The following SLC26A9 variants were observed in gnomAD, a reference collection of about 807,000 sequenced individuals.
SLC26A9 encodes the protein anion transporter/exchanger protein 9.
A neutral mutation model predicts 87.1 loss-of-function variants in SLC26A9; 46 were observed. The observed-to-expected ratio is 0.53, with a 90% CI of 0.42 to 0.67. SLC26A9 has a LOEUF of 0.67. Ranked by LOEUF, SLC26A9 falls within the 30% of genes least tolerant of loss-of-function variation. The probability of loss-of-function intolerance (pLI) is 0.00; values close to 1 mark genes in which losing one functional copy is unlikely to be tolerated. For missense variants in SLC26A9, 927 were observed against 1,018.3 expected, an observed-to-expected ratio of 0.91 and a Z score of 1.22; for synonymous variants, 437 against 409.1, an observed-to-expected ratio of 1.07 and a Z score of -0.82.
chr1:205,920,342 T>G (rs2102574441), intron 17 of SLC26A9, 112 bp from the exon 18 acceptor site: 1 of 1,280,078 alleles, frequency 7.8e-7, no homozygotes, highest in Non-Finnish European at 1.1e-6. Flanking sequence ...TAAGCAACCC[T>G]GAGAGCCCAG....
chr1:205,913,452 G>A lies in SLC26A9; in HGVS notation c.*1905C>T, dbSNP rs986457999. ...CTCCTTCAGTTCTGAGGCTGGTCTG[G>A]GGGTTAATGATTACTTGGGGGTTAA... On this transcript the variant is annotated 3_prime_UTR_variant, in exon 21 of 21. Transcript: ENST00000367135. 5.2e-5 allele frequency: 8 copies of A among 152,634 alleles called. No individual in the cohort carries two copies. Among genetic ancestry groups the A allele is most frequent in the Non-Finnish European group, 1.0e-4 (7 of 68,082 alleles). The allele number at this position is 152,634 out of a possible 1,614,324, so 9.5% of individuals were successfully genotyped here.
At chr1:205,915,539 TGTGTGTGTGCGAGA>T (rs1010743194) in intron 20 of SLC26A9, 135 bp from the exon 21 acceptor site, 1 of 1,200,058 alleles carries the variant, frequency 8.3e-7, no homozygotes, top group Non-Finnish European at 1.2e-6. Context: ...TGTGTGTGTG[TGTGTGTGTGCGAGA>T]GTGTGTGTGA....
intron 1 of SLC26A9, among the ~76,000 whole-genome samples, chr1:205,942,739 C>T (rs983814375): frequency 6.6e-6 from 1 of 152,174 alleles, no homozygotes; most frequent in Non-Finnish European, 1.5e-5. Context: ...CTACCGCCCA[C>T]CCGCCTGCCT....
At chr1:205,920,134 C>A (rs750765811) in intron 18 of SLC26A9, 42 bp downstream of exon 18, 2 of 1,612,126 alleles carry the variant, frequency 1.2e-6, no homozygotes, top group South Asian at 2.2e-5. Context: ...ACCCCACACT[C>A]CTTGCCAGTC....
At chr1:205,936,440 C>G (rs1376405899) in intron 1 of SLC26A9, among the ~76,000 whole-genome samples, 1 of 152,144 alleles carries the variant, frequency 6.6e-6, no homozygotes, top group African/African-American at 2.4e-5. Context: ...CCTGCCGGCT[C>G]TCTCTCCCAC....
rs185508843 is a variant in SLC26A9, at chr1:205,922,075, G to A, written c.1774-228C>T. On this transcript the variant is annotated intron_variant, in intron 16 of 20. Transcript: ENST00000367135. ...AACCCAGACAAAGTCAGAGGACCCA[G>A]CCAAGAGAGGCACTGAAGCCTCAAG... 3.0e-4 allele frequency among the ~76,000 whole-genome samples: 45 copies of A among 152,356 alleles called. 2 individuals are homozygous for A. The South Asian group carries it at 6.0e-3, about 20-fold the overall frequency.
At chr1:205,922,020 T>C (rs1248165927) in intron 16 of SLC26A9, among the ~76,000 whole-genome samples, 173 bp from the exon 17 acceptor site, 1 of 152,114 alleles carries the variant, frequency 6.6e-6, no homozygotes, top group African/African-American at 2.4e-5. Flanking sequence ...AGCCCTTTCT[T>C]AGGCAGGGCC....
chr1:205,935,519 TG>T, intron 2 of SLC26A9, 176 bp downstream of exon 2: 1 of 948,576 alleles, frequency 1.1e-6, no homozygotes, highest in Admixed American at 2.8e-5. Context: ...CCATCCTCCC[TG>T]GGGGTCTCAG....
intron 2 of SLC26A9, among the ~76,000 whole-genome samples, chr1:205,934,557 C>G (rs1253327025): frequency 1.3e-5 from 2 of 152,216 alleles, no homozygotes; most frequent in African/African-American, 4.8e-5. Flanking sequence ...GATTAGCTTT[C>G]TAGACATTCA....
In SLC26A9 at chr1:205,915,129, C is replaced by T; in HGVS notation, c.*228G>A. 1 of 1,613,614 alleles carries T rather than the reference C, an allele frequency of 6.2e-7. No individual in the cohort carries two copies. Among genetic ancestry groups the T allele is most frequent in the Non-Finnish European group, 8.5e-7 (1 of 1,179,702 alleles). ...GGGCCTGACGGGTGAAGAGTGGGCTCACCAGACTCTCACTCCTGTAAGGGT... is the reference window on the plus strand; with the variant it reads ...GGGCCTGACGGGTGAAGAGTGGGCTTACCAGACTCTCACTCCTGTAAGGGT... On this transcript the variant is annotated 3_prime_UTR_variant, in exon 21 of 21. Coordinates refer to ENST00000367135, the MANE Select transcript of SLC26A9 (RefSeq NM_052934.4).
At chr1:205,923,268 C>T in intron 15 of SLC26A9, 67 bp downstream of exon 15, 1 of 1,609,638 alleles carries the variant, frequency 6.2e-7, no homozygotes, top group South Asian at 1.1e-5. Context: ...GCTCCCACCG[C>T]CCTTCTGCTT....
rs747546221 is a variant in SLC26A9, at chr1:205,913,387, C to A, written c.*1970G>T. ...TGCAACCCTCAGACATGTGGCAGAT[C>A]TCTCCCTGAGCCTCAACTCCAGGTC... On this transcript the variant is annotated 3_prime_UTR_variant, in exon 21 of 21. Transcript: ENST00000367135. The A allele has an allele frequency of 6.6e-6, 1 of 152,636 alleles. No homozygotes were observed. Among genetic ancestry groups the A allele is most frequent in the Non-Finnish European group, 1.5e-5 (1 of 68,068 alleles). The allele number at this position is 152,636 out of a possible 1,614,324, so 9.5% of individuals were successfully genotyped here. A position where few individuals can be genotyped will look rare whatever the true frequency, so the allele number is the denominator to read the frequency against.
Position 205,929,347 on chromosome 1 carries a change from C to T in SLC26A9, c.727G>A (p.Asp243Asn). ...GTGTGGGGGAGGTTTTTGCAAATGT[C>T]AATGAAGGTCTGGGGGAAAGAGCAT... is the stretch of plus-strand genomic sequence containing the variant. The part of the protein sequence containing the change: ...GPGSIVFTFI[D>N]ICKNLPHTNI... The change falls in exon 7 of 21, where the codon GAC becomes AAC. Residue 243 changes from aspartate (D) to asparagine (N), a missense_variant. Coordinates refer to ENST00000367135, the MANE Select transcript of SLC26A9 (RefSeq NM_052934.4). The T allele has an allele frequency of 1.9e-5, 31 of 1,613,978 alleles. No homozygotes were observed. The highest frequency in any genetic ancestry group is 3.3e-5 in the South Asian group (3 of 91,022).
chr1:205,931,375 G>A (rs12042328), intron 5 of SLC26A9, among the ~76,000 whole-genome samples: 1 of 151,826 alleles, frequency 6.6e-6, no homozygotes, highest in African/African-American at 2.4e-5. Flanking sequence ...TTGTATGGTC[G>A]TGCTACATGC....
In SLC26A9 at chr1:205,923,164, G is replaced by C. The variant is rs1658912881; in HGVS notation, c.1691C>G (p.Ala564Gly). The change falls in exon 16 of 21, where the codon GCC becomes GGC. Residue 564 changes from alanine (A) to glycine (G), a missense_variant. Transcript: ENST00000367135. ...CTGCTTCTTGAGGTATTTTTGCTTG[G>C]CTAGTAATACTTTCTGGGGGTCCAT... ...TGMDPQKVLLAKQKYLKKQEK... is the reference protein window; with the variant it reads ...TGMDPQKVLLGKQKYLKKQEK... 10 of 1,614,128 alleles carry C rather than the reference G, an allele frequency of 6.2e-6. No homozygotes were observed. Among genetic ancestry groups the C allele is most frequent in the Non-Finnish European group, 6.8e-6 (8 of 1,180,028 alleles).
rs749779775 is a variant in SLC26A9, at chr1:205,929,979, G to A, written c.630C>T (p.Ala210=). The change falls in exon 6 of 21, where the codon GCC becomes GCT. Residue 210 remains alanine, a synonymous_variant. Coordinates refer to ENST00000367135, the MANE Select transcript of SLC26A9 (RefSeq NM_052934.4). The stretch of plus-strand genomic sequence containing the variant: ...CCGAAATCAGGATCTGCAGGCCGGC[G>A]GCCGTCATGAAGCCCCGGATGAAGG... ...SESFIRGFMT[A]AGLQILISVL... 9 of 1,613,806 alleles carry A rather than the reference G, an allele frequency of 5.6e-6. No individual in the cohort carries two copies. In the Admixed American group the frequency reaches 1.0e-4, roughly 18 times the overall value.
At position 205,932,589 on chromosome 1, in the gene SLC26A9, A is replaced by T. The variant is rs1659349515; in HGVS notation, c.376+113T>A. 3 of 881,826 alleles carry T rather than the reference A, an allele frequency of 3.4e-6. No homozygotes were observed. The African/African-American group carries it at 5.0e-5, about 15-fold the overall frequency. The allele number at this position is 881,826 out of a possible 1,614,324, so 54.6% of individuals were successfully genotyped here. ...CACAGTGACCATTCCCCTAGGACTG[A>T]CCAGGAACAACTCCAGGAGAATGCA... On this transcript the variant is annotated intron_variant, in intron 4 of 20. Coordinates refer to ENST00000367135, the MANE Select transcript of SLC26A9 (RefSeq NM_052934.4).
rs1658708955 is a variant in SLC26A9, at chr1:205,918,933, T to C, written c.2163A>G (p.Leu721=). 6.8e-6 allele frequency: 11 copies of C among 1,614,122 alleles called. No individual in the cohort carries two copies. Among genetic ancestry groups the C allele is most frequent in the Non-Finnish European group, 9.3e-6 (11 of 1,180,040 alleles). Reference sequence around the variant, plus strand: ...TGCTGGGAAAGACGTGCTTGCATTCTAGACTCCCATCCTCAAAGACGCCTC... The same window carrying C: ...TGCTGGGAAAGACGTGCTTGCATTCCAGACTCCCATCCTCAAAGACGCCTC... ...SHGGVFEDGS[L]ECKHVFPSIH... The change falls in exon 19 of 21, where the codon CTA becomes CTG. Residue 721 remains leucine (L), a synonymous_variant. Coordinates refer to ENST00000367135, the MANE Select transcript of SLC26A9 (RefSeq NM_052934.4).
Position 205,926,580 on chromosome 1 carries a change from T to C in SLC26A9, c.1344A>G (p.Gln448=), listed in dbSNP as rs773064023. The part of the protein sequence containing the change: ...IAVNLKNSLK[Q]LTDPYYLWRK... ...TCCACAGGTAGTAGGGGTCGGTGAG[T>C]TGCTTGAGGGAGTTCTTGAGATTGA... Residue 448 remains glutamine, a synonymous_variant, in exon 12 of 21, where the codon CAA becomes CAG. Coordinates refer to ENST00000367135, the MANE Select transcript of SLC26A9 (RefSeq NM_052934.4). The C allele has an allele frequency of 3.1e-6, 5 of 1,613,886 alleles. No homozygotes were observed. In the East Asian group the frequency reaches 8.9e-5, roughly 29 times the overall value.
Sources: allele counts gnomAD v4.1 joint callset (sites outside exome capture counted in the v4.1 genomes callset), GRCh38; gene constraint gnomAD v4.1.1; transcripts MANE v1.5; gene names NCBI Gene and HGNC (gene_info 2026-07-23, HGNC 2026-07-21).